ADGRG2: variants seen among roughly 807,000 people sequenced by gnomAD.
ADGRG2 encodes G protein-coupled receptor 64.
Under a neutral mutation model 74.1 loss-of-function variants are expected in ADGRG2, and 26 were observed. That is an observed-to-expected ratio of 0.35 (90% CI 0.26 to 0.49). The LOEUF (loss-of-function observed/expected upper bound fraction) is 0.49, where lower values mean the gene tolerates loss of function less well. Ranked by LOEUF, ADGRG2 falls within the 20% of genes least tolerant of loss-of-function variation. The pLI is 0.99. For synonymous variants in ADGRG2, 296 were observed against 295.2 expected, an observed-to-expected ratio of 1.00 and a Z score of -0.03; for missense variants, 619 against 763.1, an observed-to-expected ratio of 0.81 and a Z score of 2.22.
At position 18,999,250 on chromosome X, in the gene ADGRG2, T is replaced by C. The variant is rs757924540; in HGVS notation, c.2360A>G (p.Tyr787Cys). ...FCWINNNAVF[Y>C]ITVVGYFCVI... ...ACAGAAATATCCCACCACCGTAATG[T>C]AGAATACTGCATTGTTGTTGATCCA... The change falls in exon 26 of 29, where the codon TAC becomes TGC. Residue 787 changes from tyrosine (Y) to cysteine (C), a missense_variant. Physicochemically the swap from Tyr to Cys is radical, Grantham distance 194. This residue lies in a region of ADGRG2 where 221 missense variants were observed against 340.6 expected (regional missense o/e 0.65). Coordinates refer to ENST00000379869, the MANE Select transcript of ADGRG2 (RefSeq NM_001079858.3). The C allele has an allele frequency of 2.3e-5, 28 of 1,202,053 alleles. No individual in the cohort carries two copies. The highest frequency in any genetic ancestry group is 3.1e-5 in the Non-Finnish European group (28 of 890,248).
chrX:19,091,377 G>A (rs986769859), intron 1 of ADGRG2, among the ~76,000 whole-genome samples: 4 of 110,430 alleles, frequency 3.6e-5, no homozygotes, highest in African/African-American at 1.3e-4. Flanking sequence ...TGGGGGTCCA[G>A]TTTGGAATTT....
intron 3 of ADGRG2, among the ~76,000 whole-genome samples, chrX:19,041,666 T>C (rs967450023): frequency 8.9e-6 from 1 of 111,851 alleles, no homozygotes; most frequent in Non-Finnish European, 1.9e-5. Context: ...CCAATAACCC[T>C]GCAGCCAACA....
chrX:19,110,430 C>T (rs1362459210), intron 1 of ADGRG2, among the ~76,000 whole-genome samples: 1 of 110,991 alleles, frequency 9.0e-6, no homozygotes, highest in Non-Finnish European at 1.9e-5. Context: ...TGCCTGTAAT[C>T]CCAGCACTTT....
chrX:19,096,038 A>AT (rs1462804561), intron 1 of ADGRG2, among the ~76,000 whole-genome samples: 1 of 111,035 alleles, frequency 9.0e-6, no homozygotes, highest in Non-Finnish European at 1.9e-5. Flanking sequence ...AATTAAAAAA[A>AT]TTTTTAAAGT....
chrX:19,050,024 T>A (rs1043751433), intron 3 of ADGRG2, among the ~76,000 whole-genome samples: 1 of 111,442 alleles, frequency 9.0e-6, no homozygotes, highest in Non-Finnish European at 1.9e-5. Context: ...AGTTCACAAT[T>A]GAGCAGTGAT....
At chrX:19,053,451 T>A (rs1469673729) in intron 3 of ADGRG2, among the ~76,000 whole-genome samples, 7 of 111,543 alleles carry the variant, frequency 6.3e-5, no homozygotes, top group African/African-American at 1.6e-4. Flanking sequence ...CGTGACCCTG[T>A]CCTGCACCCC....
chrX:19,030,680 T>C (rs2060807606), intron 9 of ADGRG2, among the ~76,000 whole-genome samples: 1 of 112,504 alleles, frequency 8.9e-6, no homozygotes, highest in South Asian at 3.6e-4. Context: ...TTATTAGTTA[T>C]GTTCACAAAT....
chrX:19,082,373 G>A (rs1448099407), intron 2 of ADGRG2, among the ~76,000 whole-genome samples: 2 of 111,428 alleles, frequency 1.8e-5, no homozygotes, highest in South Asian at 7.5e-4. Flanking sequence ...ATAATTCCAC[G>A]TAAATGATCA....
intron 16 of ADGRG2, among the ~76,000 whole-genome samples, chrX:19,012,742 G>A (rs1280460677): frequency 9.0e-6 from 1 of 110,733 alleles, no homozygotes; most frequent in Non-Finnish European, 1.9e-5. Flanking sequence ...TCCTGGTGAT[G>A]CTGGCACCAG....
At chrX:19,003,236 G>GTCAGT (rs1177108284) in intron 23 of ADGRG2, 122 bp from the exon 24 acceptor site, 1 of 498,698 alleles carries the variant, frequency 2.0e-6, no homozygotes, top group African/African-American at 2.4e-5. Context: ...GTGATCTCAG[G>GTCAGT]TCACTGCAAC....
intron 10 of ADGRG2, among the ~76,000 whole-genome samples, chrX:19,027,629 G>A (rs942993412): frequency 2.7e-5 from 3 of 112,255 alleles, no homozygotes; most frequent in African/African-American, 6.5e-5. Context: ...GAAAGGTCCC[G>A]GATCTAAGTA....
At chrX:19,006,332 A>C in intron 20 of ADGRG2, 67 bp from the exon 21 acceptor site, 4 of 747,568 alleles carry the variant, frequency 5.4e-6, no homozygotes, top group Non-Finnish European at 8.1e-6. Context: ...GCAAAACTGA[A>C]AGGTATTTGA....
rs141952578 is a variant in ADGRG2 at position 19,016,373 on chromosome X, G to C, written c.711-2299C>G. ...AACCAACATATTAGAAAGACCCTGG[G>C]TGGGCATCTAATTCTAGCCCAGTGG... On this transcript the variant is annotated intron_variant, in intron 15 of 28. Coordinates refer to ENST00000379869, the MANE Select transcript of ADGRG2 (RefSeq NM_001079858.3). Among the ~76,000 whole-genome samples, 750 of 110,588 alleles carry C rather than the reference G, an allele frequency of 6.8e-3. 1 individual carries two copies. Among genetic ancestry groups the C allele is most frequent in the South Asian group, 0.015 (38 of 2,547 alleles).
In ADGRG2 at chrX:19,058,374, T is replaced by C. The variant is rs61356343; in HGVS notation, c.118+10343A>G. Among the ~76,000 whole-genome samples, 11 of 110,506 alleles carry C rather than the reference T, an allele frequency of 1.0e-4. No individual in the cohort carries two copies. The East Asian group carries it at 2.8e-3, about 29-fold the overall frequency. On this transcript the variant is annotated intron_variant, in intron 3 of 28. Transcript: ENST00000379869. Reference sequence around the variant, plus strand: ...TGCTTGTGTACACCAAAACCCAGAATTGGTTAGACTTCACTGTGAATCCCA... The same window carrying C: ...TGCTTGTGTACACCAAAACCCAGAACTGGTTAGACTTCACTGTGAATCCCA...
Position 19,009,749 on chromosome X carries a change from C to G in ADGRG2, c.1299G>C (p.Gln433His). 8.3e-7 allele frequency: 1 copy of G among 1,202,434 alleles called. No individual in the cohort carries two copies. The highest frequency in any genetic ancestry group is 1.1e-6 in the Non-Finnish European group (1 of 886,935). ...LLKVVDDIGL[Q>H]LNFSNTTISL... The stretch of plus-strand genomic sequence containing the variant: ...TTATAGTCGTGTTTGAAAAGTTCAG[C>G]TGTAGGCCAATGTCATCCACTACTT... The change falls in exon 18 of 29, where the codon CAG becomes CAC. Residue 433 changes from glutamine to histidine, a missense_variant. Coordinates refer to ENST00000379869, the MANE Select transcript of ADGRG2 (RefSeq NM_001079858.3).
At chrX:18,998,094 T>G (rs2060051291) in intron 26 of ADGRG2, among the ~76,000 whole-genome samples, 1 of 112,226 alleles carries the variant, frequency 8.9e-6, no homozygotes, top group Admixed American at 9.5e-5. Context: ...ATGGGAAACC[T>G]AAAGCAGATG....
At chrX:19,002,388 C>T (rs2060148280) in intron 24 of ADGRG2, among the ~76,000 whole-genome samples, 2 of 111,986 alleles carry the variant, frequency 1.8e-5, no homozygotes, top group Admixed American at 9.5e-5. Context: ...TTTATATGTA[C>T]ATTCTCTCAC....
At chrX:19,096,089 G>C (rs765658401) in intron 1 of ADGRG2, among the ~76,000 whole-genome samples, 1 of 111,300 alleles carries the variant, frequency 9.0e-6, no homozygotes, top group Admixed American at 9.6e-5. Flanking sequence ...TCATCTCCCA[G>C]GTTCTCATTG....
In ADGRG2 at chrX:19,007,368, A is replaced by G. The variant is rs1276855382; in HGVS notation, c.1567-11T>C. 2.5e-6 allele frequency: 3 copies of G among 1,200,284 alleles called. No individual in the cohort carries two copies. Among genetic ancestry groups the G allele is most frequent in the Non-Finnish European group, 3.4e-6 (3 of 886,316 alleles). On this transcript the variant is annotated splice_polypyrimidine_tract_variant and intron_variant, in intron 19 of 28. Transcript: ENST00000379869. ...CTCCAGGGAAGGATCCTGGCACATCAAGATGGCAAGGGTAAATGAGATATT... is the reference window on the plus strand; with the variant it reads ...CTCCAGGGAAGGATCCTGGCACATCGAGATGGCAAGGGTAAATGAGATATT...
Sources: gnomAD v4.1 joint callset for allele counts (sites outside exome capture counted in the v4.1 genomes callset) on GRCh38, gnomAD v4.1.1 for gene constraint, gnomAD v4.1.1 regional missense constraint, MANE v1.5 for transcripts, NCBI Gene and HGNC (gene_info 2026-07-23, HGNC 2026-07-21) for gene names.